Variants in CNTNAP5 observed in about 807,000 individuals in gnomAD.
CNTNAP5 encodes the protein contactin-associated protein-like 5.
A neutral mutation model predicts 150.2 loss-of-function variants in CNTNAP5; 72 were observed. The observed-to-expected ratio is 0.48, with a 90% CI of 0.40 to 0.58. The LOEUF (loss-of-function observed/expected upper bound fraction) is 0.58, where lower values mean the gene tolerates loss of function less well. CNTNAP5 is among the 20% of genes least tolerant of loss of function. The pLI is 0.00. For synonymous variants in CNTNAP5, 672 were observed against 619.8 expected, an observed-to-expected ratio of 1.08 and a Z score of -1.25; for missense variants, 1,636 against 1,626.2, an observed-to-expected ratio of 1.01 and a Z score of -0.10.
chr2:124,781,971 G>T (rs1226318967), intron 17 of CNTNAP5, among the ~76,000 whole-genome samples: 1 of 152,154 alleles, frequency 6.6e-6, no homozygotes, highest in African/African-American at 2.4e-5. Context: ...AACAGTCCTT[G>T]CCCAGAGGAG....
intron 8 of CNTNAP5, among the ~76,000 whole-genome samples, chr2:124,510,279 C>CTATATATATCTATATATCTATATATA (rs1238288039): frequency 7.0e-5 from 5 of 70,998 alleles, no homozygotes; most frequent in African/African-American, 2.6e-4. Flanking sequence ...ATATCTATAT[C>CTATATATATCTATATATCTATATATA]TATATCTATA....
Position 124,118,627 on chromosome 2 carries a change from T to C in CNTNAP5, c.82+92895T>C, listed in dbSNP as rs144638815. ...AGGTCAAGGAGAAATAGTTCTTTGA[T>C]AGCAGCTCACACTTCTTAATGAAAG... On this transcript the variant is annotated intron_variant, in intron 1 of 23. Transcript: ENST00000682447. 2.4e-4 allele frequency among the ~76,000 whole-genome samples: 37 copies of C among 152,290 alleles called. No individual in the cohort carries two copies. The East Asian group carries it at 7.1e-3, about 29-fold the overall frequency.
At chr2:124,360,826 T>C (rs1690176710) in intron 3 of CNTNAP5, among the ~76,000 whole-genome samples, 1 of 110,862 alleles carries the variant, frequency 9.0e-6, no homozygotes, top group Non-Finnish European at 1.9e-5. Context: ...TGTGGCGTTC[T>C]CTGTATTTCC....
At chr2:124,496,186 A>G (rs1330374371) in intron 7 of CNTNAP5, among the ~76,000 whole-genome samples, 2 of 152,184 alleles carry the variant, frequency 1.3e-5, no homozygotes, top group Non-Finnish European at 2.9e-5. Context: ...TGTCTTTCCC[A>G]AAAATGAAAA....
chr2:124,849,357 A>T (rs913873058), intron 19 of CNTNAP5, among the ~76,000 whole-genome samples: 1 of 152,114 alleles, frequency 6.6e-6, no homozygotes, highest in Admixed American at 6.6e-5. Context: ...TGCCAGTACC[A>T]TACTATTTTT....
chr2:124,121,351 G>T (rs1683557007), intron 1 of CNTNAP5, among the ~76,000 whole-genome samples: 1 of 152,122 alleles, frequency 6.6e-6, no homozygotes, highest in South Asian at 2.1e-4. Context: ...CTCTCCAGCT[G>T]CTCTGTGGCA....
In CNTNAP5 at chr2:124,291,555, T is replaced by TA. The variant is rs142425761; in HGVS notation, c.381+49163dup. ...AGATATTTTCTTCTGTTTTTTTTTT[T>TA]ATATGCGTAGACCTATGATTTAATC... On this transcript the variant is annotated intron_variant, in intron 3 of 23. Coordinates refer to ENST00000682447, the MANE Select transcript of CNTNAP5 (RefSeq NM_001367498.1). 3.3e-5 allele frequency among the ~76,000 whole-genome samples: 5 copies of TA among 152,068 alleles called. No individual in the cohort carries two copies. The South Asian group carries it at 1.0e-3, about 32-fold the overall frequency.
intron 21 of CNTNAP5, among the ~76,000 whole-genome samples, chr2:124,889,212 G>C (rs1446812111): frequency 6.8e-6 from 1 of 148,008 alleles, no homozygotes; most frequent in Non-Finnish European, 1.5e-5. Context: ...TGATTCTGCT[G>C]TTTCAGCCTC....
chr2:124,868,314 C>G (rs1011688061), intron 20 of CNTNAP5, among the ~76,000 whole-genome samples: 1 of 152,162 alleles, frequency 6.6e-6, no homozygotes, highest in Non-Finnish European at 1.5e-5. Flanking sequence ...CACCCCTGCT[C>G]ATTTCTGGTT....
At chr2:124,057,725 A>C (rs1681894885) in intron 1 of CNTNAP5, among the ~76,000 whole-genome samples, 1 of 150,800 alleles carries the variant, frequency 6.6e-6, no homozygotes, top group African/African-American at 2.4e-5. Flanking sequence ...GAATCTTTTA[A>C]TGGATAAACA....
At chr2:124,675,161 A>T (rs989282264) in intron 13 of CNTNAP5, among the ~76,000 whole-genome samples, 1 of 151,812 alleles carries the variant, frequency 6.6e-6, no homozygotes, top group South Asian at 2.1e-4. Context: ...TAATCGTTTT[A>T]TTTTCCTGAT....
chr2:124,255,212 A>T (rs1687277222), intron 3 of CNTNAP5, among the ~76,000 whole-genome samples: 1 of 151,946 alleles, frequency 6.6e-6, no homozygotes, highest in Admixed American at 6.6e-5. Flanking sequence ...ACATAATGAG[A>T]CTCCATCTCA....
intron 14 of CNTNAP5, among the ~76,000 whole-genome samples, chr2:124,748,732 C>A (rs1163022172): frequency 1.3e-5 from 2 of 152,160 alleles, no homozygotes; most frequent in Non-Finnish European, 2.9e-5. Context: ...TTCATTGGGT[C>A]CTAGGAGATG....
chr2:124,625,256 T>C (rs1040185059), intron 12 of CNTNAP5, among the ~76,000 whole-genome samples: 6 of 152,204 alleles, frequency 3.9e-5, no homozygotes, highest in African/African-American at 1.2e-4. Flanking sequence ...TTTCCTCATC[T>C]GTAATGTGGG....
At chr2:124,797,675 C>G (rs1681875299) in intron 18 of CNTNAP5, among the ~76,000 whole-genome samples, 1 of 152,226 alleles carries the variant, frequency 6.6e-6, no homozygotes, top group African/African-American at 2.4e-5. Context: ...AGAACACAAA[C>G]TAGAACTGTC....
chr2:124,368,421 G>A (rs1690430749), intron 3 of CNTNAP5, among the ~76,000 whole-genome samples: 1 of 152,150 alleles, frequency 6.6e-6, no homozygotes, highest in Admixed American at 6.5e-5. Context: ...TGCTACAGAA[G>A]CCATTTTGGC....
chr2:124,036,672 T>G (rs1297099099), intron 1 of CNTNAP5, among the ~76,000 whole-genome samples: 1 of 152,134 alleles, frequency 6.6e-6, no homozygotes, highest in Admixed American at 6.5e-5. Flanking sequence ...AGTTAAGTAA[T>G]GTGCTTCTTT....
At chr2:124,115,871 G>C (rs1683417969) in intron 1 of CNTNAP5, among the ~76,000 whole-genome samples, 2 of 150,586 alleles carry the variant, frequency 1.3e-5, no homozygotes, top group South Asian at 4.2e-4. Flanking sequence ...TCAAACTTCT[G>C]GCCTCAAGCT....
chr2:124,381,747 G>A (rs1304906217), intron 3 of CNTNAP5, among the ~76,000 whole-genome samples: 5 of 152,110 alleles, frequency 3.3e-5, no homozygotes, highest in Non-Finnish European at 5.9e-5. Flanking sequence ...GGTTAGACAT[G>A]TGAATATGGG....
Sources: gnomAD v4.1 joint callset for allele counts (sites outside exome capture counted in the v4.1 genomes callset) on GRCh38, gnomAD v4.1.1 for gene constraint, MANE v1.5 for transcripts, NCBI Gene and HGNC (gene_info 2026-07-23, HGNC 2026-07-21) for gene names.